Variants in FSHR observed in about 807,000 individuals in gnomAD.
FSHR encodes the protein follicle-stimulating hormone receptor.
FSHR carries 46 observed loss-of-function variants against 52.1 expected under a neutral mutation model. The ratio of observed to expected loss-of-function variants is 0.88; its 90% CI spans 0.70 to 1.13. The LOEUF is 1.13. FSHR is among the 50% of genes most tolerant of loss of function. The pLI, the probability that FSHR is intolerant of heterozygous loss-of-function variation, is 0.00. For missense variants in FSHR, 964 were observed against 834.6 expected, an observed-to-expected ratio of 1.16 and a Z score of -1.91; for synonymous variants, 399 against 309.6, an observed-to-expected ratio of 1.29 and a Z score of -3.03.
intron 1 of FSHR, among the ~76,000 whole-genome samples, chr2:49,122,628 T>C (rs1671858476): frequency 6.6e-6 from 1 of 152,178 alleles, no homozygotes; most frequent in Non-Finnish European, 1.5e-5. Flanking sequence ...TTCCAATTTG[T>C]CTTGGACACT....
intron 2 of FSHR, among the ~76,000 whole-genome samples, chr2:49,030,575 G>T (rs1052649855): frequency 6.6e-6 from 1 of 152,048 alleles, no homozygotes; most frequent in Non-Finnish European, 1.5e-5. Flanking sequence ...CAGTGAAGGA[G>T]CAACAAGGAG....
chr2:49,070,645 A>AT (rs776445777), intron 1 of FSHR, among the ~76,000 whole-genome samples: 47 of 152,250 alleles, frequency 3.1e-4, no homozygotes, highest in Non-Finnish European at 5.3e-4. Flanking sequence ...ACTACAAAGC[A>AT]TTTTTTGATT....
At chr2:49,042,234 A>AT (rs892131541) in intron 2 of FSHR, among the ~76,000 whole-genome samples, 4 of 152,000 alleles carry the variant, frequency 2.6e-5, no homozygotes, top group Non-Finnish European at 5.9e-5. Context: ...TCACCTTCCA[A>AT]TTTTTTTCCC....
At chr2:49,095,107 T>C (rs543657344) in intron 1 of FSHR, among the ~76,000 whole-genome samples, 1 of 152,268 alleles carries the variant, frequency 6.6e-6, no homozygotes, top group East Asian at 1.9e-4. Context: ...CTTTTATTTT[T>C]CTTGGCAGAA....
intron 2 of FSHR, among the ~76,000 whole-genome samples, chr2:49,048,687 C>T (rs1049071160): frequency 5.9e-5 from 9 of 152,216 alleles, no homozygotes; most frequent in Non-Finnish European, 1.0e-4. Context: ...CTGCTTCATT[C>T]ATTTAGGCTT....
At chr2:49,048,236 G>T (rs1234834480) in intron 2 of FSHR, among the ~76,000 whole-genome samples, 3 of 150,470 alleles carry the variant, frequency 2.0e-5, no homozygotes, top group African/African-American at 4.9e-5. Flanking sequence ...ACCTCAAGAA[G>T]ACTGGAAAGA....
At chr2:49,139,682 C>T (rs1672608881) in intron 1 of FSHR, among the ~76,000 whole-genome samples, 1 of 151,306 alleles carries the variant, frequency 6.6e-6, no homozygotes, top group Non-Finnish European at 1.5e-5. Flanking sequence ...ACTGCAAGCT[C>T]CGTCTCCTGG....
chr2:49,043,299 G>A (rs1370808809), intron 2 of FSHR, among the ~76,000 whole-genome samples: 3 of 151,720 alleles, frequency 2.0e-5, no homozygotes, highest in Admixed American at 6.6e-5. Context: ...AGGGTAGGGG[G>A]TGGGGTAGTG....
At chr2:49,038,677 T>G (rs1668381749) in intron 2 of FSHR, among the ~76,000 whole-genome samples, 2 of 147,756 alleles carry the variant, frequency 1.4e-5, no homozygotes, top group Non-Finnish European at 3.0e-5. Flanking sequence ...ATAATACTGG[T>G]TTAGGGGAAT....
In FSHR at chr2:49,004,673, A is replaced by G. The variant is rs150960003; in HGVS notation, c.374+12816T>C. On this transcript the variant is annotated intron_variant, in intron 4 of 9. Transcript: ENST00000406846. Reference sequence around the variant, plus strand: ...GAAACTGAGACCTGAAGAGATTAGTACATCACTGGCTGATGGGAGTGTCTG... The same window carrying G: ...GAAACTGAGACCTGAAGAGATTAGTGCATCACTGGCTGATGGGAGTGTCTG... Among the ~76,000 whole-genome samples the G allele has an allele frequency of 3.5e-4, 53 of 152,268 alleles. No homozygotes were observed. The East Asian group carries it at 8.5e-3, about 24-fold the overall frequency.
chr2:48,985,106 ATGATGAC>A (rs564273533), intron 6 of FSHR, among the ~76,000 whole-genome samples: 16 of 9,374 alleles, frequency 1.7e-3, no homozygotes, highest in African/African-American at 6.4e-3. Flanking sequence ...TGAAAACCAG[ATGATGAC>A]GATGATGACG....
At chr2:49,000,592 C>T (rs565054167) in intron 4 of FSHR, among the ~76,000 whole-genome samples, 16 of 152,242 alleles carry the variant, frequency 1.1e-4, no homozygotes, top group African/African-American at 3.9e-4. Context: ...TTCTTAACCT[C>T]TCATGCACAT....
intron 2 of FSHR, among the ~76,000 whole-genome samples, chr2:49,058,649 C>G (rs1669159866): frequency 6.6e-6 from 1 of 151,894 alleles, no homozygotes; most frequent in African/African-American, 2.4e-5. Flanking sequence ...GCATTTCTAT[C>G]CACTAGCAAT....
At chr2:49,054,785 CA>C (rs1558413899) in intron 2 of FSHR, among the ~76,000 whole-genome samples, 1 of 152,124 alleles carries the variant, frequency 6.6e-6, no homozygotes. Flanking sequence ...GCATGGATTA[CA>C]GAAAAAGAAA....
intron 1 of FSHR, 95 bp from the exon 2 acceptor site, chr2:49,068,385 T>A (rs1669592434): frequency 1.9e-6 from 2 of 1,027,906 alleles, no homozygotes; most frequent in Admixed American, 3.5e-5. Flanking sequence ...TACCATATAC[T>A]AAGTGCTTGC....
intron 8 of FSHR, among the ~76,000 whole-genome samples, chr2:48,975,092 A>G (rs1168847565): frequency 1.3e-5 from 2 of 152,192 alleles, no homozygotes; most frequent in African/African-American, 4.8e-5. Flanking sequence ...TGAGGGGATT[A>G]AAGAATATTC....
intron 1 of FSHR, among the ~76,000 whole-genome samples, chr2:49,129,960 A>C (rs1435094012): frequency 6.6e-6 from 1 of 152,150 alleles, no homozygotes; most frequent in Non-Finnish European, 1.5e-5. Flanking sequence ...CTATTTCTCA[A>C]TTTCCTTAAC....
chr2:49,038,555 G>C (rs1417023714), intron 2 of FSHR, among the ~76,000 whole-genome samples: 1 of 150,208 alleles, frequency 6.7e-6, no homozygotes, highest in East Asian at 1.9e-4. Context: ...AACCTGGGAG[G>C]CGGAGCTTGC....
At chr2:48,980,119 G>T (rs1239379551) in intron 8 of FSHR, among the ~76,000 whole-genome samples, 1 of 152,176 alleles carries the variant, frequency 6.6e-6, no homozygotes, top group East Asian at 1.9e-4. Context: ...GAAAGCCCCA[G>T]AAAGGGGGGC....
Sources: allele counts gnomAD v4.1 joint callset (sites outside exome capture counted in the v4.1 genomes callset), GRCh38; gene constraint gnomAD v4.1.1; transcripts MANE v1.5; gene names NCBI Gene and HGNC (gene_info 2026-07-23, HGNC 2026-07-21).